ESR1: variants seen among roughly 807,000 people sequenced by gnomAD.
The protein encoded by ESR1 is estrogen receptor.
ESR1 carries 12 observed loss-of-function variants against 52.7 expected under a neutral mutation model. The ratio of observed to expected loss-of-function variants is 0.23; its 90% CI spans 0.15 to 0.37. The LOEUF (loss-of-function observed/expected upper bound fraction) is 0.37, where lower values mean the gene tolerates loss of function less well. Among genes scored for constraint, ESR1 ranks in the 10% least tolerant of loss-of-function variants. The probability of loss-of-function intolerance (pLI) is 1.00; values close to 1 mark genes in which losing one functional copy is unlikely to be tolerated. For missense variants in ESR1, 584 were observed against 779.7 expected, an observed-to-expected ratio of 0.75 and a Z score of 2.99; for synonymous variants, 305 against 316.8, an observed-to-expected ratio of 0.96 and a Z score of 0.39.
intron 4 of ESR1, among the ~76,000 whole-genome samples, chr6:151,961,114 G>C (rs553353448): frequency 6.6e-6 from 1 of 152,230 alleles, no homozygotes; most frequent in East Asian, 1.9e-4. Flanking sequence ...CTGGAGTTTA[G>C]GAGAGAGGCT....
chr6:152,032,585 G>T (rs888357080), intron 5 of ESR1, among the ~76,000 whole-genome samples: 1 of 152,102 alleles, frequency 6.6e-6, no homozygotes, highest in Non-Finnish European at 1.5e-5. Flanking sequence ...ACTTACAAGG[G>T]ATGTGAAGGA....
At chr6:152,006,912 G>T (rs1354408717) in intron 4 of ESR1, among the ~76,000 whole-genome samples, 5 of 151,972 alleles carry the variant, frequency 3.3e-5, no homozygotes, top group African/African-American at 1.2e-4. Flanking sequence ...TCAGGGAAAT[G>T]TTGCTTTTTT....
chr6:151,815,841 G>T (rs1779539951), intron 1 of ESR1, among the ~76,000 whole-genome samples: 1 of 152,186 alleles, frequency 6.6e-6, no homozygotes, highest in Non-Finnish European at 1.5e-5. Context: ...TCTCCTTGCA[G>T]CCCTCAGACT....
At chr6:151,971,483 G>T (rs1439778744) in intron 4 of ESR1, among the ~76,000 whole-genome samples, 1 of 142,748 alleles carries the variant, frequency 7.0e-6, no homozygotes, top group East Asian at 2.0e-4. Context: ...TTTGAATAGT[G>T]GTCTCCAATT....
downstream of ESR1, among the ~76,000 whole-genome samples, chr6:152,106,669 G>A (rs1403205945): frequency 2.6e-5 from 4 of 152,146 alleles, no homozygotes; most frequent in Non-Finnish European, 5.9e-5. Flanking sequence ...GCTCACTGTA[G>A]CCTCCATGTT....
At chr6:151,916,070 T>A (rs2030086072) in intron 3 of ESR1, among the ~76,000 whole-genome samples, 2 of 152,242 alleles carry the variant, frequency 1.3e-5, no homozygotes, top group Non-Finnish European at 2.9e-5. Flanking sequence ...ACACGCTGCC[T>A]GCATCGAGAT....
Position 151,833,398 on chromosome 6 carries a change from C to A in ESR1, c.453-9199C>A, listed in dbSNP as rs567688886. 2.4e-4 allele frequency among the ~76,000 whole-genome samples: 36 copies of A among 152,226 alleles called. No homozygotes were observed. The South Asian group carries it at 7.3e-3, about 31-fold the overall frequency. On this transcript the variant is annotated intron_variant, in intron 1 of 7. Transcript: ENST00000206249. Reference sequence around the variant, plus strand: ...AAGCTAAAGCTATTTTTCTGGGGCCCACCATCTAAAGAAGATTCTGAAGCC... The same window carrying A: ...AAGCTAAAGCTATTTTTCTGGGGCCAACCATCTAAAGAAGATTCTGAAGCC...
chr6:152,078,653 C>G (rs1231450119), intron 6 of ESR1, among the ~76,000 whole-genome samples: 1 of 152,122 alleles, frequency 6.6e-6, no homozygotes, highest in Non-Finnish European at 1.5e-5. Context: ...GAGGGTGAGC[C>G]GAACTGGGGC....
rs751087338 is a variant in ESR1 at position 151,808,243 on chromosome 6, C to T, written c.331C>T (p.Leu111=). The change falls in exon 1 of 8, where the codon CTG becomes TTG. Residue 111 remains leucine, a synonymous_variant. Transcript: ENST00000206249. ...NSVSPSPLML[L]HPPPQLSPFL... Reference sequence around the variant, plus strand: ...CGTGTCTCCGAGCCCGCTGATGCTACTGCACCCGCCGCCGCAGCTGTCGCC... The same window carrying T: ...CGTGTCTCCGAGCCCGCTGATGCTATTGCACCCGCCGCCGCAGCTGTCGCC... 2.5e-6 allele frequency: 4 copies of T among 1,573,286 alleles called. No individual in the cohort carries two copies. The highest frequency in any genetic ancestry group is 1.2e-5 in the South Asian group (1 of 86,204).
At chr6:151,676,067 A>G (rs919128470) in intron 1 of ESR1, among the ~76,000 whole-genome samples, 1 of 152,230 alleles carries the variant, frequency 6.6e-6, no homozygotes, top group African/African-American at 2.4e-5. Flanking sequence ...TAGAAACACC[A>G]TAAAGATGAG....
chr6:151,803,068 T>C (rs1308842134), upstream of ESR1, among the ~76,000 whole-genome samples: 1 of 152,118 alleles, frequency 6.6e-6, no homozygotes, highest in Non-Finnish European at 1.5e-5. Context: ...CCTATAATAT[T>C]ACATTGTCCT....
chr6:151,724,858 T>C (rs764114349), intron 2 of ESR1, among the ~76,000 whole-genome samples: 4 of 152,196 alleles, frequency 2.6e-5, no homozygotes, highest in Admixed American at 2.6e-4. Context: ...GATGGTAACA[T>C]CTGATGCCAA....
intron 2 of ESR1, among the ~76,000 whole-genome samples, chr6:151,867,190 A>G (rs1790069010): frequency 6.6e-6 from 1 of 152,204 alleles, no homozygotes; most frequent in Non-Finnish European, 1.5e-5. Context: ...AATACAATTC[A>G]GGACATAGGC....
intron 4 of ESR1, among the ~76,000 whole-genome samples, chr6:151,964,390 C>T (rs576264122): frequency 8.5e-5 from 13 of 152,052 alleles, no homozygotes; most frequent in African/African-American, 2.7e-4. Flanking sequence ...TGTTTCACCT[C>T]CTTGGTTGAA....
At chr6:151,991,277 T>C (rs1473813600) in intron 4 of ESR1, among the ~76,000 whole-genome samples, 2 of 152,190 alleles carry the variant, frequency 1.3e-5, no homozygotes, top group African/African-American at 4.8e-5. Flanking sequence ...TTCTTTACCA[T>C]ACATGAATTA....
intron 3 of ESR1, among the ~76,000 whole-genome samples, chr6:151,905,962 C>G (rs188219407): frequency 6.6e-6 from 1 of 152,072 alleles, no homozygotes; most frequent in African/African-American, 2.4e-5. Flanking sequence ...ATTATTGGAA[C>G]GCTAAGCATG....
chr6:151,908,837 C>T (rs1228901657), intron 3 of ESR1, among the ~76,000 whole-genome samples: 1 of 150,654 alleles, frequency 6.6e-6, no homozygotes, highest in Non-Finnish European at 1.5e-5. Flanking sequence ...TTCTTAAGGC[C>T]ACAACTGGCA....
chr6:151,708,072 CT>C (rs549831518), intron 2 of ESR1, among the ~76,000 whole-genome samples: 8 of 152,084 alleles, frequency 5.3e-5, no homozygotes, highest in Non-Finnish European at 1.2e-4. Flanking sequence ...ATCCTCTACT[CT>C]TTTCTCCATG....
upstream of ESR1, among the ~76,000 whole-genome samples, chr6:151,802,723 T>C (rs569583780): frequency 6.6e-6 from 1 of 152,346 alleles, no homozygotes; most frequent in South Asian, 2.1e-4. Flanking sequence ...GCGTGATGGC[T>C]CATGCCTATA....
Sources: gnomAD v4.1 joint callset for allele counts (sites outside exome capture counted in the v4.1 genomes callset) on GRCh38, gnomAD v4.1.1 for gene constraint, MANE v1.5 for transcripts, NCBI Gene and HGNC (gene_info 2026-07-23, HGNC 2026-07-21) for gene names.